PITPNM2: variants seen among roughly 807,000 people sequenced by gnomAD.
PITPNM2 encodes membrane-associated phosphatidylinositol transfer protein 2.
In PITPNM2, 35 loss-of-function variants were observed where a neutral mutation model predicts 132.2. The ratio of observed to expected loss-of-function variants is 0.26; its 90% CI spans 0.20 to 0.35. The LOEUF is 0.35. Among genes scored for constraint, PITPNM2 ranks in the 10% least tolerant of loss-of-function variants. PITPNM2 has a pLI of 1.00. For synonymous variants in PITPNM2, 738 were observed against 799.2 expected (o/e 0.92, Z 1.29); for missense variants, 1,332 against 1,912.0 (o/e 0.70, Z 5.66).
At chr12:123,091,335 T>G (rs758491193) in intron 2 of PITPNM2, 3 of 152,218 alleles carry the variant, frequency 2.0e-5, no homozygotes, top group African/African-American at 2.4e-5. Flanking sequence ...GAAGAAGGCG[T>G]CAGTCCCACC....
intron 1 of PITPNM2, among the ~76,000 whole-genome samples, chr12:123,139,617 C>T (rs981919028): frequency 1.3e-5 from 2 of 152,182 alleles, no homozygotes; most frequent in Non-Finnish European, 2.9e-5. Context: ...TTCCTGTCCT[C>T]TCCCACACAC....
intron 1 of PITPNM2, among the ~76,000 whole-genome samples, chr12:123,112,053 C>T (rs7310883): frequency 0.017 from 2,662 of 152,248 alleles, 63 homozygotes; most frequent in African/African-American, 0.06. Flanking sequence ...GTGACTCACA[C>T]CCCACAGAAT....
chr12:123,140,415 C>T (rs1451100203), intron 1 of PITPNM2, among the ~76,000 whole-genome samples: 1 of 152,144 alleles, frequency 6.6e-6, no homozygotes, highest in African/African-American at 2.4e-5. Context: ...GCTCTGGGCC[C>T]CTGCTCCTTC....
At chr12:123,112,790 AGCCTCCCAAAGTGCAGGG>A in intron 1 of PITPNM2, among the ~76,000 whole-genome samples, 1 of 152,074 alleles carries the variant, frequency 6.6e-6, no homozygotes, top group Non-Finnish European at 1.5e-5. Flanking sequence ...CGCCCACCTC[AGCCTCCCAAAGTGCAGGG>A]ATTACAGGCG....
At chr12:123,072,803 C>T (rs1025972566) in intron 2 of PITPNM2, among the ~76,000 whole-genome samples, 5 of 152,242 alleles carry the variant, frequency 3.3e-5, no homozygotes, top group Admixed American at 3.3e-4. Context: ...CAAATAAAAC[C>T]AGCACCCAGT....
At chr12:123,146,073 C>G (rs1313517174) in intron 1 of PITPNM2, among the ~76,000 whole-genome samples, 2 of 152,082 alleles carry the variant, frequency 1.3e-5, no homozygotes, top group African/African-American at 4.8e-5. Context: ...CCAAACACCA[C>G]AAGTTCTTAC....
intron 2 of PITPNM2, among the ~76,000 whole-genome samples, chr12:123,046,431 T>C (rs545353969): frequency 2.6e-5 from 4 of 152,350 alleles, no homozygotes; most frequent in South Asian, 4.1e-4. Context: ...TCCCCACTTA[T>C]TTAAGTATTT....
At chr12:122,988,487 G>A (rs948060775) in intron 19 of PITPNM2, 137 bp from the exon 20 acceptor site, 2 of 804,484 alleles carry the variant, frequency 2.5e-6, no homozygotes, top group Non-Finnish European at 4.1e-6. Flanking sequence ...ACTACTGTCT[G>A]CCCAGTAGCC....
chr12:123,109,921 AATACAATCTACCCCAC>A (rs774199853), intron 2 of PITPNM2, among the ~76,000 whole-genome samples: 1 of 152,224 alleles, frequency 6.6e-6, no homozygotes, highest in Non-Finnish European at 1.5e-5. Context: ...GTAATCAATA[AATACAATCTACCCCAC>A]ATTAATCAGA....
chr12:122,992,424 TGGAGGACCTA>T lies in PITPNM2; in HGVS notation c.2404+65_2404+74del, dbSNP rs1162120700. 4.7e-6 allele frequency: 7 copies of T among 1,488,266 alleles called. No homozygotes were observed. The East Asian group carries it at 1.5e-4, about 32-fold the overall frequency. 92.2% of individuals were successfully genotyped at this position (1,488,266 alleles called of 1,614,324 possible). A position where few individuals can be genotyped will look rare whatever the true frequency, so the allele number is the denominator to read the frequency against. On this transcript the variant is annotated intron_variant, in intron 16 of 25. Coordinates refer to ENST00000320201, the MANE Select transcript of PITPNM2 (RefSeq NM_020845.3). The surrounding 1 kb of genome is among the most constrained non-coding windows in gnomAD (Gnocchi z 6.5). Reference sequence around the variant, plus strand: ...TCACCTGGGGAAGAACCACGTAGCATGGAGGACCTAGGAGCCAGGGAGCCACGCTTACCCC... The same window carrying T: ...TCACCTGGGGAAGAACCACGTAGCATGGAGCCAGGGAGCCACGCTTACCCC...
intron 6 of PITPNM2, among the ~76,000 whole-genome samples, chr12:123,006,574 G>A (rs1288912725): frequency 2.0e-5 from 3 of 150,886 alleles, no homozygotes; most frequent in East Asian, 1.9e-4. Flanking sequence ...TTAGCCAGGC[G>A]TGGTGGTGTG....
intron 1 of PITPNM2, among the ~76,000 whole-genome samples, chr12:123,116,579 G>A (rs1191107021): frequency 6.6e-6 from 1 of 151,496 alleles, no homozygotes; most frequent in African/African-American, 2.4e-5. Flanking sequence ...AGCCCAGGAG[G>A]TTGAGGCTGC....
At chr12:123,071,421 C>T (rs1566277900) in intron 2 of PITPNM2, among the ~76,000 whole-genome samples, 1 of 152,216 alleles carries the variant, frequency 6.6e-6, no homozygotes, top group Non-Finnish European at 1.5e-5. Flanking sequence ...CAGAGAGAGA[C>T]CCGCAGGCTG....
chr12:123,089,574 TGGA>T (rs1356526581), intron 2 of PITPNM2: 2 of 152,124 alleles, frequency 1.3e-5, no homozygotes, highest in Non-Finnish European at 2.9e-5. Context: ...TGAATAAAGA[TGGA>T]GGAGGAAGAG....
Position 122,994,792 on chromosome 12 carries a change from G to T in PITPNM2, c.2233+9C>A. The T allele has an allele frequency of 6.2e-7, 1 of 1,606,850 alleles. No homozygotes were observed. ...TGTACCCCCCATCCTGCCCCTGCTG[G>T]GCTCTCACCATCCAGGGCTGGGATG... On this transcript the variant is annotated intron_variant, in intron 15 of 25. Transcript: ENST00000320201. This position sits in a 1 kb window ranked among gnomAD's most constrained non-coding sequence, Gnocchi z 5.4.
intron 2 of PITPNM2, chr12:123,088,881 A>C (rs1214816129): frequency 1.3e-5 from 2 of 152,208 alleles, no homozygotes; most frequent in Non-Finnish European, 2.9e-5. Flanking sequence ...CTTTGCACTC[A>C]TGTTGCTGCC....
intron 3 of PITPNM2, 151 bp downstream of exon 3, chr12:123,034,362 G>T: frequency 1.4e-6 from 1 of 695,876 alleles, no homozygotes; most frequent in Non-Finnish European, 2.4e-6. Flanking sequence ...GTGCCTAGAG[G>T]CCAGGGGTCC....
intron 1 of PITPNM2, among the ~76,000 whole-genome samples, chr12:123,147,498 TAC>T (rs1183960935): frequency 6.6e-6 from 1 of 152,080 alleles, no homozygotes; most frequent in Non-Finnish European, 1.5e-5. Flanking sequence ...CACTTATCCA[TAC>T]AGTTTTCCAG....
Position 123,064,055 on chromosome 12 carries a change from C to T in PITPNM2, c.-95-29370G>A, listed in dbSNP as rs563190662. Among the ~76,000 whole-genome samples the T allele has an allele frequency of 3.3e-5, 5 of 152,238 alleles. No homozygotes were observed. The South Asian group carries it at 1.0e-3, about 32-fold the overall frequency. On this transcript the variant is annotated intron_variant, in intron 2 of 25. Transcript: ENST00000320201. The surrounding 1 kb of genome is among the most constrained non-coding windows in gnomAD (Gnocchi z 4.0). ...TGGTGATGGTGATGCTGGGGATCAG[C>T]CCTGCTAAAGAACTGTGTCCCCACA...
Sources: gnomAD v4.1 joint callset for allele counts (sites outside exome capture counted in the v4.1 genomes callset) on GRCh38, gnomAD v4.1.1 for gene constraint, Gnocchi (gnomAD v3.1) non-coding constraint, MANE v1.5 for transcripts, NCBI Gene and HGNC (gene_info 2026-07-23, HGNC 2026-07-21) for gene names.